CST4: variants seen among roughly 807,000 people sequenced by gnomAD.
CST4 encodes the protein cystatin-S.
A neutral mutation model predicts 11.2 loss-of-function variants in CST4; 17 were observed. The ratio of observed to expected loss-of-function variants is 1.52; its 90% CI spans 1.04 to 2.27. CST4 has a LOEUF of 2.27. Among genes scored for constraint, CST4 ranks in the 30% most tolerant of loss-of-function variants. The probability of loss-of-function intolerance (pLI) is 0.00; values close to 1 mark genes in which losing one functional copy is unlikely to be tolerated. For missense variants in CST4, 251 were observed against 180.2 expected, an observed-to-expected ratio of 1.39 and a Z score of -2.25; for synonymous variants, 93 against 70.1, an observed-to-expected ratio of 1.33 and a Z score of -1.63.
rs779795336 is a variant in CST4, at chr20:23,687,161, C to T, written c.269G>A (p.Gly90Asp). 2 of 1,614,130 alleles carry T rather than the reference C, an allele frequency of 1.2e-6. No homozygotes were observed. Among genetic ancestry groups the T allele is most frequent in the Non-Finnish European group, 1.7e-6 (2 of 1,180,028 alleles). The change falls in exon 2 of 3, where the codon GGC (glycine) becomes GAC (aspartate). Residue 90 changes from glycine (G) to aspartate (D), a missense_variant. Transcript: ENST00000217423. ...GVNYFFDVEV[G>D]RTICTKSQPN... ...CTGGGACTTGGTACATATGGTGCGG[C>T]CCACCTCTACGTCGAAGAAGTAATT...
chr20:23,688,924 C>T lies in CST4; in HGVS notation c.46G>A (p.Ala16Thr). 1.2e-6 allele frequency: 2 copies of T among 1,614,178 alleles called. No individual in the cohort carries two copies. The highest frequency in any genetic ancestry group is 8.5e-7 in the Non-Finnish European group (1 of 1,180,020). The change falls in exon 1 of 3, where the codon GCT becomes ACT. Residue 16 changes from alanine (A) to threonine (T), a missense_variant. Physicochemically the swap from Ala to Thr is moderately conservative, Grantham distance 58. Transcript: ENST00000217423. ...CTLLLLMATLAGALASSSKEE... is the reference protein window; with the variant it reads ...CTLLLLMATLTGALASSSKEE... ...TTGGAGCTCGAGGCCAGAGCCCCAG[C>T]CAGGGTAGCCATCAGGAGTAGCAGG...
intron 1 of CST4, 85 bp from the exon 2 acceptor site, chr20:23,687,286 G>A: frequency 8.6e-7 from 1 of 1,163,482 alleles, no homozygotes; most frequent in South Asian, 1.3e-5. Flanking sequence ...CTGAGTCACT[G>A]GACTTGCTTG....
rs542705394 is a variant in CST4, at chr20:23,685,939, C to G, written c.381G>C (p.Trp127Cys). 36 of 1,614,094 alleles carry G rather than the reference C, an allele frequency of 2.2e-5. No homozygotes were observed. The South Asian group carries it at 3.6e-4, about 16-fold the overall frequency. The change falls in exon 3 of 3, where the codon TGG becomes TGC. Residue 127 changes from tryptophan (W) to cysteine (C), a missense_variant. Transcript: ENST00000217423. ...LCSFEIYEVP[W>C]EDRMSLVNSR... ...AATTCACCAGGGACATTCTGTCCTC[C>G]CAGGGAACTTCGTAGATCTCGAAAG...
At chr20:23,687,257 C>T in intron 1 of CST4, 56 bp from the exon 2 acceptor site, 3 of 1,576,614 alleles carry the variant, frequency 1.9e-6, no homozygotes, top group Non-Finnish European at 2.6e-6. Flanking sequence ...TTCATGCACT[C>T]ACAGGCACTT....
At chr20:23,688,027 G>C (rs751831646) in intron 1 of CST4, among the ~76,000 whole-genome samples, 9 of 152,218 alleles carry the variant, frequency 5.9e-5, no homozygotes, top group Non-Finnish European at 1.3e-4. Context: ...TTTCTAGAAG[G>C]TGGAGGAGCT....
Position 23,685,641 on chromosome 20 carries a change from G to A in CST4, c.*253C>T, listed in dbSNP as rs1468881904. On this transcript the variant is annotated 3_prime_UTR_variant, in exon 3 of 3. Coordinates refer to ENST00000217423, the MANE Select transcript of CST4 (RefSeq NM_001899.3). Reference sequence around the variant, plus strand: ...CAGACAGCCAAGAACTCAGAGGGAGGCGATGCTACTGTTTAATTGCAGGAG... The same window carrying A: ...CAGACAGCCAAGAACTCAGAGGGAGACGATGCTACTGTTTAATTGCAGGAG... 7.3e-6 allele frequency: 4 copies of A among 550,596 alleles called. No individual in the cohort carries two copies. Among genetic ancestry groups the A allele is most frequent in the Non-Finnish European group, 1.3e-5 (4 of 306,860 alleles). 34.1% of individuals were successfully genotyped at this position (550,596 alleles called of 1,614,324 possible). A position where few individuals can be genotyped will look rare whatever the true frequency, so the allele number is the denominator to read the frequency against.
In CST4 at chr20:23,687,135, G is replaced by A. The variant is rs774084140; in HGVS notation, c.295C>T (p.Pro99Ser). 8.1e-6 allele frequency: 13 copies of A among 1,614,132 alleles called. No homozygotes were observed. The East Asian group carries it at 2.9e-4, about 36-fold the overall frequency. The change falls in exon 2 of 3, where the codon CCC (proline) becomes TCC (serine). Residue 99 changes from proline to serine, a missense_variant. Pro to Ser is a moderately conservative substitution (Grantham distance 74). Transcript: ENST00000217423. ...VGRTICTKSQ[P>S]NLDTCAFHEQ... ...TGGAAGGCACAGGTGTCCAAGTTGG[G>A]CTGGGACTTGGTACATATGGTGCGG...
In CST4 at chr20:23,686,870, A is replaced by T. The variant is rs1157418054; in HGVS notation, c.342+218T>A. Among the ~76,000 whole-genome samples, 3 of 151,934 alleles carry T rather than the reference A, an allele frequency of 2.0e-5. No individual in the cohort carries two copies. The East Asian group carries it at 5.8e-4, about 29-fold the overall frequency. ...CATGCTTCCATACACCTACCCGCAC[A>T]CACTGGCACATGTGTGTACACACGT... On this transcript the variant is annotated intron_variant, in intron 2 of 2. Transcript: ENST00000217423.
In CST4 at chr20:23,685,765, C is replaced by G; in HGVS notation, c.*129G>C. 1 of 902,270 alleles carries G rather than the reference C, an allele frequency of 1.1e-6. No individual in the cohort carries two copies. The highest frequency in any genetic ancestry group is 1.6e-5 in the South Asian group (1 of 63,496). 55.9% of individuals were successfully genotyped at this position (902,270 alleles called of 1,614,324 possible). A position where few individuals can be genotyped will look rare whatever the true frequency, so the allele number is the denominator to read the frequency against. On this transcript the variant is annotated 3_prime_UTR_variant, in exon 3 of 3. Transcript: ENST00000217423. Reference sequence around the variant, plus strand: ...AGCAACAAAGGACTCCTGCAGCCTTCTCTGTCTGTCTCTTGGCACAGGCAC... The same window carrying G: ...AGCAACAAAGGACTCCTGCAGCCTTGTCTGTCTGTCTCTTGGCACAGGCAC...
At chr20:23,688,690 G>C in intron 1 of CST4, 52 bp downstream of exon 1, 1 of 1,562,096 alleles carries the variant, frequency 6.4e-7, no homozygotes, top group South Asian at 1.1e-5. Flanking sequence ...TTGGGGGTCC[G>C]GCAACAAACC....
rs1981077671 is a variant in CST4, at chr20:23,687,210, A to G, written c.229-9T>C. 1 of 1,613,690 alleles carries G rather than the reference A, an allele frequency of 6.2e-7. No homozygotes were observed. The highest frequency in any genetic ancestry group is 1.3e-5 in the African/African-American group (1 of 74,622). ...TTCACCCCCCCAAAGGTCTGCACAC[A>G]GGAGAAAACAGGAAGCACGGACAGC... On this transcript the variant is annotated splice_polypyrimidine_tract_variant and intron_variant, in intron 1 of 2. Transcript: ENST00000217423.
At chr20:23,686,793 GGATC>G (rs1055453980) in intron 2 of CST4, among the ~76,000 whole-genome samples, 3 of 151,848 alleles carry the variant, frequency 2.0e-5, no homozygotes, top group African/African-American at 7.3e-5. Context: ...TCATCCCCAT[GGATC>G]TATGTACAAA....
intron 2 of CST4, 91 bp downstream of exon 2, chr20:23,686,997 C>T (rs1231693754): frequency 6.5e-7 from 1 of 1,535,560 alleles, no homozygotes; most frequent in Non-Finnish European, 9.0e-7. Flanking sequence ...CCTGCACACA[C>T]ACACCGTCCA....
intron 2 of CST4, among the ~76,000 whole-genome samples, chr20:23,686,716 C>A (rs1315072990): frequency 6.6e-6 from 1 of 152,084 alleles, no homozygotes; most frequent in Non-Finnish European, 1.5e-5. Flanking sequence ...AAATCAAACA[C>A]ATCACCCCCT....
intron 2 of CST4, among the ~76,000 whole-genome samples, chr20:23,686,282 G>T (rs73902123): frequency 0.03 from 4,530 of 152,240 alleles, 213 homozygotes; most frequent in African/African-American, 0.1. Context: ...CAGGACATGG[G>T]GAGGTGGCTC....
chr20:23,686,990 G>A (rs1448372458), intron 2 of CST4, 98 bp downstream of exon 2: 15 of 1,446,496 alleles, frequency 1.0e-5, no homozygotes, highest in East Asian at 6.8e-5. Flanking sequence ...ATACCCACCT[G>A]CACACACACA....
chr20:23,688,867 A>G lies in CST4; in HGVS notation c.103T>C (p.Tyr35His). 1 of 1,614,180 alleles carries G rather than the reference A, an allele frequency of 6.2e-7. No individual in the cohort carries two copies. Among genetic ancestry groups the G allele is most frequent in the Non-Finnish European group, 8.5e-7 (1 of 1,180,014 alleles). The change falls in exon 1 of 3, where the codon TAT (tyrosine) becomes CAT (histidine). Residue 35 changes from tyrosine (Y) to histidine (H), a missense_variant. Transcript: ENST00000217423. ...EENRIIPGGI[Y>H]DADLNDEWVQ... ...CACTCATCATTGAGGTCTGCATCAT[A>G]GATGCCACCTGGGATTATCCTATTC...
In CST4 at chr20:23,686,905, C is replaced by T. The variant is rs536065776; in HGVS notation, c.342+183G>A. On this transcript the variant is annotated intron_variant, in intron 2 of 2. Transcript: ENST00000217423. ...ATGTGTGTACACACGTGCACCTTTCCACATGCACACCTACATGCACACCCC... is the reference window on the plus strand; with the variant it reads ...ATGTGTGTACACACGTGCACCTTTCTACATGCACACCTACATGCACACCCC... 5.3e-5 allele frequency among the ~76,000 whole-genome samples: 8 copies of T among 152,216 alleles called. No individual in the cohort carries two copies. In the South Asian group the frequency reaches 1.0e-3, roughly 20 times the overall value.
chr20:23,685,943 G>A lies in CST4; in HGVS notation c.377C>T (p.Pro126Leu). 6.2e-7 allele frequency: 1 copy of A among 1,614,112 alleles called. No individual in the cohort carries two copies. The highest frequency in any genetic ancestry group is 8.5e-7 in the Non-Finnish European group (1 of 1,179,930). Residue 126 changes from proline to leucine, a missense_variant, in exon 3 of 3, where the codon CCC becomes CTC. Pro to Leu is a moderately conservative substitution (Grantham distance 98). Coordinates refer to ENST00000217423, the MANE Select transcript of CST4 (RefSeq NM_001899.3). The stretch of plus-strand genomic sequence containing the variant: ...CACCAGGGACATTCTGTCCTCCCAG[G>A]GAACTTCGTAGATCTCGAAAGAGCA... The part of the protein sequence containing the change: ...QLCSFEIYEV[P>L]WEDRMSLVNS...
Sources: allele counts gnomAD v4.1 joint callset (sites outside exome capture counted in the v4.1 genomes callset), GRCh38; gene constraint gnomAD v4.1.1; transcripts MANE v1.5; gene names NCBI Gene and HGNC (gene_info 2026-07-23, HGNC 2026-07-21).